Variants in THOC7 observed in about 807,000 individuals in gnomAD.
The protein encoded by THOC7 is NIF3L1-binding protein 1.
A neutral mutation model predicts 33.1 loss-of-function variants in THOC7; 22 were observed. The ratio of observed to expected loss-of-function variants is 0.66; its 90% CI spans 0.47 to 0.95. The LOEUF is 0.95. THOC7 is among the 40% of genes least tolerant of loss of function. THOC7 has a pLI of 0.00. For synonymous variants in THOC7, 77 were observed against 76.8 expected, an observed-to-expected ratio of 1.00 and a Z score of -0.01; for missense variants, 184 against 245.3, an observed-to-expected ratio of 0.75 and a Z score of 1.67.
At chr3:63,853,058 G>C (rs1172811685) in intron 1 of THOC7, among the ~76,000 whole-genome samples, 1 of 151,900 alleles carries the variant, frequency 6.6e-6, no homozygotes, top group Non-Finnish European at 1.5e-5. Flanking sequence ...GGCTGAGACA[G>C]GAGAATTGCT....
At chr3:63,863,568 C>T (rs1015953621) in intron 1 of THOC7, 4 of 1,196,074 alleles carry the variant, frequency 3.3e-6, no homozygotes, top group African/African-American at 3.2e-5. Flanking sequence ...GAGGGGCGCT[C>T]GGGCTCTGGC....
intron 7 of THOC7, among the ~76,000 whole-genome samples, chr3:63,834,764 G>A (rs181165251): frequency 7.8e-4 from 118 of 152,056 alleles, no homozygotes; most frequent in Middle Eastern, 6.8e-3. Context: ...AATATAAAGA[G>A]CAAGTCTCCA....
rs1575800078 is a variant in THOC7 at position 63,833,892 on chromosome 3, A to C, written c.*240T>G. On this transcript the variant is annotated 3_prime_UTR_variant, in exon 8 of 8. Coordinates refer to ENST00000295899, the MANE Select transcript of THOC7 (RefSeq NM_025075.4). ...ATATGCAGCTTAAAAGCATTTTATT[A>C]AGCATTTTTGGATGTTGCTTCCTAC... 1 of 425,384 alleles carries C rather than the reference A, an allele frequency of 2.4e-6. No individual in the cohort carries two copies. The highest frequency in any genetic ancestry group is 4.4e-5 in the South Asian group (1 of 22,850). The allele number at this position is 425,384 out of a possible 1,614,324, so 26.4% of individuals were successfully genotyped here. A position where few individuals can be genotyped will look rare whatever the true frequency, so the allele number is the denominator to read the frequency against.
chr3:63,862,051 A>G (rs1225486263), intron 1 of THOC7, among the ~76,000 whole-genome samples: 1 of 152,068 alleles, frequency 6.6e-6, no homozygotes, highest in Non-Finnish European at 1.5e-5. Context: ...TTGGCCTCCC[A>G]AAGTGTTGGG....
intron 1 of THOC7, among the ~76,000 whole-genome samples, chr3:63,841,238 A>G (rs760185333): frequency 1.3e-5 from 2 of 152,224 alleles, no homozygotes; most frequent in Non-Finnish European, 2.9e-5. Flanking sequence ...TCACACATGC[A>G]TGTGTGTATT....
chr3:63,848,440 C>T (rs1272644582), intron 1 of THOC7: 1 of 152,194 alleles, frequency 6.6e-6, no homozygotes, highest in African/African-American at 2.4e-5. Flanking sequence ...TTCCCACCCC[C>T]CACCTTCAAG....
intron 3 of THOC7, 110 bp from the exon 4 acceptor site, chr3:63,838,172 T>C: frequency 2.7e-6 from 3 of 1,098,178 alleles, no homozygotes; most frequent in Non-Finnish European, 3.9e-6. Flanking sequence ...TAGACACTAG[T>C]ATTTTTAAAA....
intron 1 of THOC7, among the ~76,000 whole-genome samples, chr3:63,840,563 C>T (rs921729195): frequency 2.0e-5 from 3 of 151,976 alleles, no homozygotes; most frequent in Non-Finnish European, 2.9e-5. Context: ...TGGACTCCAG[C>T]GCCTATTGGC....
upstream of THOC7, chr3:63,863,910 G>A: frequency 9.8e-6 from 10 of 1,017,528 alleles, no homozygotes; most frequent in Non-Finnish European, 1.2e-5. Context: ...AGGCGGCGGC[G>A]CCCGCGGCCG....
intron 1 of THOC7, chr3:63,860,880 G>T (rs946273820): frequency 4.6e-5 from 7 of 152,178 alleles, no homozygotes; most frequent in Non-Finnish European, 1.0e-4. Context: ...TAGGCAGAAG[G>T]TCAACTACTT....
chr3:63,863,550 G>C (rs1324218879), intron 1 of THOC7: 8 of 1,195,462 alleles, frequency 6.7e-6, no homozygotes, highest in Non-Finnish European at 8.3e-6. Flanking sequence ...GGAAAGCCGA[G>C]GGTCTCCGAG....
chr3:63,851,383 CAAAT>C (rs2107152905), intron 1 of THOC7, among the ~76,000 whole-genome samples: 1 of 152,300 alleles, frequency 6.6e-6, no homozygotes, highest in African/African-American at 2.4e-5. Flanking sequence ...GGAAAACTGT[CAAAT>C]AAAAATTACA....
At chr3:63,858,157 G>T (rs1249727913) in intron 1 of THOC7, among the ~76,000 whole-genome samples, 1 of 152,158 alleles carries the variant, frequency 6.6e-6, no homozygotes, top group African/African-American at 2.4e-5. Flanking sequence ...CAACCCATTT[G>T]TTTCTTTTCA....
chr3:63,863,458 G>A (rs1702286391), intron 1 of THOC7: 1 of 1,147,448 alleles, frequency 8.7e-7, no homozygotes, highest in Non-Finnish European at 1.1e-6. Context: ...AGCCGTCTCG[G>A]CCACCCACGT....
intron 1 of THOC7, among the ~76,000 whole-genome samples, chr3:63,855,978 T>A (rs1575815094): frequency 6.6e-6 from 1 of 152,338 alleles, no homozygotes; most frequent in East Asian, 1.9e-4. Context: ...AAGACACATA[T>A]ACCTTTTGAC....
chr3:63,838,031 A>G lies in THOC7; in HGVS notation c.297T>C (p.Ile99=). Residue 99 remains isoleucine (I), a synonymous_variant, in exon 4 of 8, where the codon ATT becomes ATC. Coordinates refer to ENST00000295899, the MANE Select transcript of THOC7 (RefSeq NM_025075.4). ...ECSIAGAHEK[I]AECKKQILQA... is the part of the protein sequence containing the mutation. The stretch of plus-strand genomic sequence containing the variant: ...GAAGAATTTGCTTTTTGCACTCAGC[A>G]ATTTTTTCATGTGCTCCAGCTATGC... 6.2e-7 allele frequency: 1 copy of G among 1,609,578 alleles called. No homozygotes were observed. The highest frequency in any genetic ancestry group is 8.5e-7 in the Non-Finnish European group (1 of 1,178,348).
Position 63,834,205 on chromosome 3 carries a change from A to G in THOC7, c.548-6T>C, listed in dbSNP as rs111781033. On this transcript the variant is annotated splice_polypyrimidine_tract_variant and splice_region_variant and intron_variant, in intron 7 of 7. Coordinates refer to ENST00000295899, the MANE Select transcript of THOC7 (RefSeq NM_025075.4). Reference sequence around the variant, plus strand: ...CTCTGAGAGTTTTTCATCATCTGTAATTGAGAAGGAAACATAAAACCTTAG... The same window carrying G: ...CTCTGAGAGTTTTTCATCATCTGTAGTTGAGAAGGAAACATAAAACCTTAG... 1 of 1,613,812 alleles carries G rather than the reference A, an allele frequency of 6.2e-7. No individual in the cohort carries two copies. The highest frequency in any genetic ancestry group is 1.1e-5 in the South Asian group (1 of 91,062).
intron 1 of THOC7, chr3:63,844,989 T>C (rs947496496): frequency 1.2e-5 from 8 of 682,646 alleles, no homozygotes; most frequent in Admixed American, 4.3e-5. Context: ...ACAATTGAGA[T>C]CTTTACATTT....
intron 7 of THOC7, 21 bp from the exon 8 acceptor site, chr3:63,834,220 TA>T (rs772339761): frequency 1.2e-6 from 2 of 1,612,996 alleles, no homozygotes; most frequent in Non-Finnish European, 8.5e-7. Flanking sequence ...GAAGGAAACA[TA>T]AAACCTTAGT....
Sources: gnomAD v4.1 joint callset for allele counts (sites outside exome capture counted in the v4.1 genomes callset) on GRCh38, gnomAD v4.1.1 for gene constraint, MANE v1.5 for transcripts, NCBI Gene and HGNC (gene_info 2026-07-23, HGNC 2026-07-21) for gene names.